SPRED2: variants seen among roughly 807,000 people sequenced by gnomAD.
The protein encoded by SPRED2 is sprouty-related, EVH1 domain-containing protein 2.
In SPRED2, 47 loss-of-function variants were observed where a neutral mutation model predicts 43.0. The ratio of observed to expected loss-of-function variants is 1.09; its 90% CI spans 0.87 to 1.40. SPRED2 has a LOEUF of 1.40. Among genes scored for constraint, SPRED2 ranks in the 40% most tolerant of loss-of-function variants. The pLI, the probability that SPRED2 is intolerant of heterozygous loss-of-function variation, is 0.00. For missense variants in SPRED2, 561 were observed against 586.4 expected (o/e 0.96, Z 0.45); for synonymous variants, 225 against 225.7 (o/e 1.00, Z 0.03).
intron 3 of SPRED2, chr2:65,334,222 T>C (rs767420084): frequency 4.2e-6 from 2 of 472,760 alleles, no homozygotes; most frequent in East Asian, 1.4e-4. Flanking sequence ...GGACAGTGGG[T>C]AGGCCAGGAG....
At chr2:65,353,861 C>G (rs1674575133) in intron 1 of SPRED2, among the ~76,000 whole-genome samples, 1 of 152,246 alleles carries the variant, frequency 6.6e-6, no homozygotes, top group Non-Finnish European at 1.5e-5. Context: ...AGCATGTATA[C>G]TGCACATTCT....
chr2:65,334,816 C>T, intron 2 of SPRED2, 43 bp from the exon 3 acceptor site: 1 of 1,603,474 alleles, frequency 6.2e-7, no homozygotes, highest in East Asian at 2.2e-5. Context: ...GTGGAACAGC[C>T]ATGATGATGT....
At chr2:65,317,708 G>T (rs1422901626) in intron 4 of SPRED2, among the ~76,000 whole-genome samples, 1 of 152,140 alleles carries the variant, frequency 6.6e-6, no homozygotes, top group African/African-American at 2.4e-5. Flanking sequence ...AGTCTCAGAG[G>T]TAAGGATACC....
At chr2:65,339,171 C>T (rs1430096233) in intron 2 of SPRED2, among the ~76,000 whole-genome samples, 3 of 145,412 alleles carry the variant, frequency 2.1e-5, no homozygotes, top group Non-Finnish European at 4.5e-5. Flanking sequence ...CCCGGCCGCC[C>T]CTACTGGGAG....
chr2:65,310,877 C>A lies in SPRED2; in HGVS notation c.*2624G>T, dbSNP rs748111135. 2 of 985,288 alleles carry A rather than the reference C, an allele frequency of 2.0e-6. No homozygotes were observed. The highest frequency in any genetic ancestry group is 2.4e-6 in the Non-Finnish European group (2 of 829,690). 61.0% of individuals were successfully genotyped at this position (985,288 alleles called of 1,614,324 possible). A position where few individuals can be genotyped will look rare whatever the true frequency, so the allele number is the denominator to read the frequency against. On this transcript the variant is annotated 3_prime_UTR_variant, in exon 6 of 6. Transcript: ENST00000356388. The stretch of plus-strand genomic sequence containing the variant: ...CTGATAGGATGTGTTTATATTTACA[C>A]GGTACATTTTAAAGCAATGGCTACA...
intron 1 of SPRED2, among the ~76,000 whole-genome samples, chr2:65,358,484 C>G (rs538241699): frequency 2.6e-5 from 4 of 152,324 alleles, no homozygotes; most frequent in Admixed American, 2.6e-4. Context: ...GTTGACTCAA[C>G]ATGAACTCCC....
At chr2:65,372,463 A>G (rs2104342659) in intron 1 of SPRED2, among the ~76,000 whole-genome samples, 1 of 152,312 alleles carries the variant, frequency 6.6e-6, no homozygotes, top group South Asian at 2.1e-4. Flanking sequence ...TGCGGCATTC[A>G]GGGTGCTGAT....
intron 4 of SPRED2, among the ~76,000 whole-genome samples, chr2:65,329,557 A>T (rs1183556035): frequency 6.6e-6 from 1 of 152,216 alleles, no homozygotes; most frequent in Non-Finnish European, 1.5e-5. Context: ...TCTTCCAGGC[A>T]TTTGGTGTTA....
intron 1 of SPRED2, among the ~76,000 whole-genome samples, chr2:65,372,741 G>A (rs1376734422): frequency 1.3e-5 from 2 of 152,196 alleles, no homozygotes; most frequent in African/African-American, 2.4e-5. Context: ...CTTGAAATCA[G>A]CTTAAAGTTG....
rs373223609 is a variant in SPRED2 at position 65,334,559 on chromosome 2, G to A, written c.373+46C>T. The A allele has an allele frequency of 1.5e-4, 244 of 1,588,316 alleles. 1 individual carries two copies. In the African/African-American group the frequency reaches 3.0e-3, roughly 20 times the overall value. ...GACTATTGGAATTAAAAATAATTTG[G>A]AACATTTCCATAGTCCCACTAAGAA... On this transcript the variant is annotated intron_variant, in intron 3 of 5. Coordinates refer to ENST00000356388, the MANE Select transcript of SPRED2 (RefSeq NM_181784.3).
chr2:65,390,826 C>G (rs1005045358), intron 1 of SPRED2, among the ~76,000 whole-genome samples: 1 of 152,172 alleles, frequency 6.6e-6, no homozygotes, highest in Admixed American at 6.5e-5. Flanking sequence ...TGGCTCATGC[C>G]TGTAATCCCA....
At position 65,313,029 on chromosome 2, in the gene SPRED2, T is replaced by G. The variant is rs1673112165; in HGVS notation, c.*472A>C. On this transcript the variant is annotated 3_prime_UTR_variant, in exon 6 of 6. Coordinates refer to ENST00000356388, the MANE Select transcript of SPRED2 (RefSeq NM_181784.3). ...CATCATTCTCACATCCCATTTCCGCTGAACCAGATGCTTGCTAGCGACAGG... is the reference window on the plus strand; with the variant it reads ...CATCATTCTCACATCCCATTTCCGCGGAACCAGATGCTTGCTAGCGACAGG... 6 of 986,704 alleles carry G rather than the reference T, an allele frequency of 6.1e-6. No individual in the cohort carries two copies. The highest frequency in any genetic ancestry group is 4.8e-6 in the Non-Finnish European group (4 of 830,804). 61.1% of individuals were successfully genotyped at this position (986,704 alleles called of 1,614,324 possible).
chr2:65,410,549 G>A (rs184997982), intron 1 of SPRED2, among the ~76,000 whole-genome samples: 2 of 152,258 alleles, frequency 1.3e-5, no homozygotes, highest in African/African-American at 4.8e-5. Context: ...CACAAGGTCA[G>A]GAGATCGAGA....
At chr2:65,413,081 C>T (rs1463917446) in intron 1 of SPRED2, among the ~76,000 whole-genome samples, 1 of 152,200 alleles carries the variant, frequency 6.6e-6, no homozygotes, top group Non-Finnish European at 1.5e-5. Flanking sequence ...AACTCCTTTC[C>T]CCATCCTTGC....
At chr2:65,414,128 G>GGA (rs1329960959) in intron 1 of SPRED2, among the ~76,000 whole-genome samples, 1 of 152,134 alleles carries the variant, frequency 6.6e-6, no homozygotes, top group African/African-American at 2.4e-5. Flanking sequence ...TAAAAAGGTG[G>GGA]GAGGCTGAGC....
intron 1 of SPRED2, among the ~76,000 whole-genome samples, chr2:65,361,016 G>C (rs1024009150): frequency 3.9e-5 from 6 of 152,138 alleles, no homozygotes; most frequent in African/African-American, 1.4e-4. Context: ...ACCAGCCTGT[G>C]CAACAATGTG....
chr2:65,418,005 C>T (rs1676327052), intron 1 of SPRED2, among the ~76,000 whole-genome samples: 1 of 152,200 alleles, frequency 6.6e-6, no homozygotes, highest in African/African-American at 2.4e-5. Context: ...TCACAGCCCC[C>T]TTGACCATCT....
chr2:65,364,279 G>A (rs1674905732), intron 1 of SPRED2, among the ~76,000 whole-genome samples: 1 of 152,216 alleles, frequency 6.6e-6, no homozygotes, highest in African/African-American at 2.4e-5. Context: ...GGAATTAAGA[G>A]AAGAACCGGA....
intron 1 of SPRED2, among the ~76,000 whole-genome samples, chr2:65,430,294 C>T (rs577730181): frequency 6.6e-6 from 1 of 152,246 alleles, no homozygotes; most frequent in South Asian, 2.1e-4. Flanking sequence ...CCAGCAGATG[C>T]GGTGGGACGT....
Sources: gnomAD v4.1 joint callset for allele counts (sites outside exome capture counted in the v4.1 genomes callset) on GRCh38, gnomAD v4.1.1 for gene constraint, MANE v1.5 for transcripts, NCBI Gene and HGNC (gene_info 2026-07-23, HGNC 2026-07-21) for gene names.